Variants in FGD3 observed in about 807,000 individuals in gnomAD.
The protein encoded by FGD3 is FYVE, RhoGEF and PH domain containing 3, also known as FYVE, RhoGEF and PH domain-containing protein 3.
Under a neutral mutation model 71.8 loss-of-function variants are expected in FGD3, and 45 were observed. The ratio of observed to expected loss-of-function variants is 0.63; its 90% CI spans 0.49 to 0.80. The LOEUF is 0.80. Among genes scored for constraint, FGD3 ranks in the 30% least tolerant of loss-of-function variants. The pLI is 0.00. For synonymous variants in FGD3, 378 were observed against 392.8 expected, an observed-to-expected ratio of 0.96 and a Z score of 0.44; for missense variants, 844 against 951.5, an observed-to-expected ratio of 0.89 and a Z score of 1.49.
intron 3 of FGD3, among the ~76,000 whole-genome samples, chr9:92,998,380 T>A (rs1860730597): frequency 6.6e-6 from 1 of 152,208 alleles, no homozygotes; most frequent in South Asian, 2.1e-4. Flanking sequence ...CTAACCTTTT[T>A]TCAAGGTTTT....
chr9:92,996,686 T>A (rs958375353), intron 3 of FGD3, among the ~76,000 whole-genome samples: 7 of 152,244 alleles, frequency 4.6e-5, no homozygotes, highest in African/African-American at 1.7e-4. Context: ...GTCTTTGTTC[T>A]CATTGGTTTC....
chr9:92,950,435 A>G (rs1256066497), intron 1 of FGD3, among the ~76,000 whole-genome samples: 1 of 151,332 alleles, frequency 6.6e-6, no homozygotes, highest in African/African-American at 2.4e-5. Context: ...AAAAAAAAGC[A>G]AATGGGTAAA....
At chr9:93,034,146 GGTGTGT>G (rs143800227) in intron 16 of FGD3, 2 of 161,348 alleles carry the variant, frequency 1.2e-5, no homozygotes, top group African/African-American at 4.8e-5. Flanking sequence ...CTGTGTGTGT[GGTGTGT>G]GTGTGTGTGC....
At chr9:92,956,530 G>T (rs182225434) in intron 1 of FGD3, among the ~76,000 whole-genome samples, 2 of 152,220 alleles carry the variant, frequency 1.3e-5, no homozygotes, top group African/African-American at 4.8e-5. Context: ...GGACAACCAC[G>T]TGAGGACACA....
intron 14 of FGD3, among the ~76,000 whole-genome samples, chr9:93,028,017 G>T (rs770892930): frequency 6.6e-6 from 1 of 151,898 alleles, no homozygotes; most frequent in African/African-American, 2.4e-5. Context: ...CTGCGCCTGG[G>T]CCTCCTTCTC....
In FGD3 at chr9:92,961,471, T is replaced by C. The variant is rs1859166269; in HGVS notation, c.-218+13742T>C. ...ATTGGAACATGAGTGAAATAATTGG[T>C]CAGAGAAATTGGAATATGTGTTGAT... is the stretch of plus-strand genomic sequence containing the variant. On this transcript the variant is annotated intron_variant, in intron 1 of 17. Coordinates refer to ENST00000375482, the MANE Select transcript of FGD3 (RefSeq NM_001083536.2). Among the ~76,000 whole-genome samples the C allele has an allele frequency of 3.3e-5, 5 of 152,280 alleles. No individual in the cohort carries two copies. In the South Asian group the frequency reaches 1.0e-3, roughly 32 times the overall value.
intron 3 of FGD3, among the ~76,000 whole-genome samples, chr9:92,978,073 G>A (rs1468700423): frequency 3.3e-5 from 5 of 152,098 alleles, no homozygotes; most frequent in South Asian, 2.1e-4. Context: ...ACCTGAGGTC[G>A]GGAGTTTGAG....
At chr9:92,971,529 A>AT (rs1304436364) in intron 1 of FGD3, among the ~76,000 whole-genome samples, 1 of 147,328 alleles carries the variant, frequency 6.8e-6, no homozygotes, top group African/African-American at 2.5e-5. Context: ...TTCAAAGGCG[A>AT]TAAGGGTGGG....
chr9:93,012,742 C>G (rs1450420423), intron 8 of FGD3, among the ~76,000 whole-genome samples: 1 of 151,718 alleles, frequency 6.6e-6, no homozygotes, highest in Non-Finnish European at 1.5e-5. Context: ...ACAGGACCTG[C>G]CTGGTGCAGG....
At chr9:93,011,603 A>G (rs1424132413) in intron 8 of FGD3, among the ~76,000 whole-genome samples, 2 of 152,178 alleles carry the variant, frequency 1.3e-5, no homozygotes, top group Non-Finnish European at 2.9e-5. Flanking sequence ...CATTCCTATA[A>G]TCCCAGCACT....
At chr9:93,006,893 A>G (rs955169690) in intron 6 of FGD3, among the ~76,000 whole-genome samples, 3 of 149,162 alleles carry the variant, frequency 2.0e-5, no homozygotes, top group African/African-American at 7.4e-5. Flanking sequence ...CGCCCAGCTA[A>G]TTTTTTTGTA....
chr9:93,009,975 T>G (rs1043366657), intron 6 of FGD3, among the ~76,000 whole-genome samples: 1 of 152,166 alleles, frequency 6.6e-6, no homozygotes, highest in Admixed American at 6.5e-5. Context: ...CAGGCATTTA[T>G]TTTCTCCACC....
At chr9:92,950,057 C>T (rs554472139) in intron 1 of FGD3, among the ~76,000 whole-genome samples, 53 of 149,606 alleles carry the variant, frequency 3.5e-4, no homozygotes, top group Non-Finnish European at 5.3e-4. Context: ...TCTTTTTCTC[C>T]TCCCTTCATC....
chr9:93,030,115 T>C, intron 15 of FGD3, 119 bp downstream of exon 15: 1 of 1,205,742 alleles, frequency 8.3e-7, no homozygotes, highest in Non-Finnish European at 1.1e-6. Flanking sequence ...ACGGAAGGGC[T>C]TCCTGATCCT....
At chr9:93,023,461 G>A (rs1252357364) in intron 14 of FGD3, among the ~76,000 whole-genome samples, 3 of 152,206 alleles carry the variant, frequency 2.0e-5, no homozygotes, top group African/African-American at 7.2e-5. Flanking sequence ...TTCACAAAGC[G>A]CAGCCACCTG....
chr9:92,981,041 T>C (rs1587828252), intron 3 of FGD3, among the ~76,000 whole-genome samples: 1 of 151,738 alleles, frequency 6.6e-6, no homozygotes, highest in East Asian at 1.9e-4. Flanking sequence ...TTCATTGTGT[T>C]ATTGAATTCT....
intron 3 of FGD3, among the ~76,000 whole-genome samples, chr9:92,978,241 C>A (rs957963399): frequency 6.8e-6 from 1 of 147,606 alleles, no homozygotes; most frequent in African/African-American, 2.5e-5. Flanking sequence ...GATATCACAC[C>A]ATTGCACTCC....
chr9:93,003,301 G>A lies in FGD3; in HGVS notation c.543+287G>A, dbSNP rs1456022877. Among the ~76,000 whole-genome samples, 2 of 152,000 alleles carry A rather than the reference G, an allele frequency of 1.3e-5. No individual in the cohort carries two copies. Among genetic ancestry groups the A allele is most frequent in the East Asian group, 3.9e-4 (2 of 5,180 alleles). Reference sequence around the variant, plus strand: ...ATGCCACCACGCCCAGCTAATTTTTGTATTTATAGTAGAGACGGGGTTTCA... The same window carrying A: ...ATGCCACCACGCCCAGCTAATTTTTATATTTATAGTAGAGACGGGGTTTCA... On this transcript the variant is annotated intron_variant, in intron 4 of 17. Transcript: ENST00000375482. The surrounding 1 kb of genome is among the most constrained non-coding windows in gnomAD (Gnocchi z 4.1).
chr9:92,979,450 GA>G (rs796227726), intron 3 of FGD3, among the ~76,000 whole-genome samples: 11 of 152,294 alleles, frequency 7.2e-5, no homozygotes, highest in South Asian at 2.1e-4. Context: ...TGCATTCCAG[GA>G]ATAAACTTGG....
Sources: gnomAD v4.1 joint callset for allele counts (sites outside exome capture counted in the v4.1 genomes callset) on GRCh38, gnomAD v4.1.1 for gene constraint, Gnocchi (gnomAD v3.1) non-coding constraint, MANE v1.5 for transcripts, NCBI Gene and HGNC (gene_info 2026-07-23, HGNC 2026-07-21) for gene names.